ZNF207: variants seen among roughly 807,000 people sequenced by gnomAD.
ZNF207 encodes the protein BUB3-interacting and GLEBS motif-containing protein ZNF207.
ZNF207 carries 24 observed loss-of-function variants against 60.2 expected under a neutral mutation model. The observed-to-expected ratio is 0.40, with a 90% CI of 0.29 to 0.56. The LOEUF is 0.56. Ranked by LOEUF, ZNF207 falls within the 20% of genes least tolerant of loss-of-function variation. The pLI is 0.49. For synonymous variants in ZNF207, 236 were observed against 194.7 expected (o/e 1.21, Z -1.77); for missense variants, 452 against 636.6 (o/e 0.71, Z 3.12).
Position 32,372,261 on chromosome 17 carries a change from C to T in ZNF207, c.*2502C>T, listed in dbSNP as rs992763202. ...CTTGCAGTGAGCGGAGATCACACCA[C>T]TGCACTCTAGCCTGGACGACAGATT... On this transcript the variant is annotated 3_prime_UTR_variant, in exon 12 of 12. Transcript: ENST00000394670. 4.6e-5 allele frequency: 7 copies of T among 152,016 alleles called. No homozygotes were observed. Among genetic ancestry groups the T allele is most frequent in the African/African-American group, 1.5e-4 (6 of 41,344 alleles). The allele number at this position is 152,016 out of a possible 1,614,324, so 9.4% of individuals were successfully genotyped here.
rs1905587643 is a variant in ZNF207, at chr17:32,374,212, C to CTTTTTTGTTTTT, written c.*4459_*4460insGTTTTTTTTTTT. The CTTTTTTGTTTTT allele has an allele frequency of 3.0e-5, 2 of 66,224 alleles. 1 individual carries two copies. 4.1% of individuals were successfully genotyped at this position (66,224 alleles called of 1,614,324 possible). A position where few individuals can be genotyped will look rare whatever the true frequency, so the allele number is the denominator to read the frequency against. ...ACCGCGCCTGGCCAAAATCTGCATTCTTTTTTTTTTTTTTTTTTTTTTTTT... is the reference window on the plus strand; with the variant it reads ...ACCGCGCCTGGCCAAAATCTGCATTCTTTTTTGTTTTTTTTTTTTTTTTTTTTTTTTTTTTTT... On this transcript the variant is annotated 3_prime_UTR_variant, in exon 12 of 12. Transcript: ENST00000394670.
rs2041513419 is a variant in ZNF207 at position 32,351,852 on chromosome 17, A to G, written c.108A>G (p.Lys36=). The G allele has an allele frequency of 2.5e-6, 4 of 1,608,998 alleles. No individual in the cohort carries two copies. The highest frequency in any genetic ancestry group is 2.5e-6 in the Non-Finnish European group (3 of 1,177,244). ...LIQHQKAKHF[K]CHICHKKLYT... is the part of the protein sequence containing the mutation. Reference sequence around the variant, plus strand: ...AGCACCAAAAAGCAAAGCATTTTAAATGCCATATATGTCACAAGAAATTGT... The same window carrying G: ...AGCACCAAAAAGCAAAGCATTTTAAGTGCCATATATGTCACAAGAAATTGT... The change falls in exon 2 of 12, where the codon AAA becomes AAG. Residue 36 remains lysine, a synonymous_variant. Coordinates refer to ENST00000394670, the MANE Select transcript of ZNF207 (RefSeq NM_001098507.2).
rs566685696 is a variant in ZNF207 at position 32,361,911 on chromosome 17, CAAAAATTTA to C, written c.599+405_599+413del. Among the ~76,000 whole-genome samples the C allele has an allele frequency of 1.2e-4, 19 of 152,050 alleles. No individual in the cohort carries two copies. In the South Asian group the frequency reaches 3.9e-3, roughly 32 times the overall value. ...TTAAATCAAGAACTGAATTTACCCA[CAAAAATTTA>C]AAAAATTTGAAAGAAAATTGACCAA... On this transcript the variant is annotated intron_variant, in intron 6 of 11. Coordinates refer to ENST00000394670, the MANE Select transcript of ZNF207 (RefSeq NM_001098507.2).
At position 32,377,282 on chromosome 17, in the gene ZNF207, G is replaced by A. The variant is rs1053127681; in HGVS notation, c.*7523G>A. Reference sequence around the variant, plus strand: ...TAAAATTTTATTCATAAATAGTTTAGCAGTCACAGAGGTGAAAAAAAAAAG... The same window carrying A: ...TAAAATTTTATTCATAAATAGTTTAACAGTCACAGAGGTGAAAAAAAAAAG... On this transcript the variant is annotated 3_prime_UTR_variant, in exon 12 of 12. Transcript: ENST00000394670. 6 of 151,712 alleles carry A rather than the reference G, an allele frequency of 4.0e-5. No individual in the cohort carries two copies. The highest frequency in any genetic ancestry group is 1.2e-4 in the African/African-American group (5 of 41,330). The allele number at this position is 151,712 out of a possible 1,614,324, so 9.4% of individuals were successfully genotyped here. A position where few individuals can be genotyped will look rare whatever the true frequency, so the allele number is the denominator to read the frequency against.
At chr17:32,354,112 A>G (rs544437996) in intron 2 of ZNF207, among the ~76,000 whole-genome samples, 1 of 152,170 alleles carries the variant, frequency 6.6e-6, no homozygotes, top group South Asian at 2.1e-4. Flanking sequence ...AGTACCTGGG[A>G]CAACAATTGT....
At position 32,381,274 on chromosome 17, in the gene ZNF207, T is replaced by A. The variant is rs2150809856; in HGVS notation, c.*11515T>A. On this transcript the variant is annotated 3_prime_UTR_variant, in exon 12 of 12. Coordinates refer to ENST00000394670, the MANE Select transcript of ZNF207 (RefSeq NM_001098507.2). ...GAGTAAGTCATACAAGGGATATGAT[T>A]GTAAGGAGGTCCTGAACAAAGCATG... is the stretch of plus-strand genomic sequence containing the variant. 1 of 152,364 alleles carries A rather than the reference T, an allele frequency of 6.6e-6. No homozygotes were observed. The highest frequency in any genetic ancestry group is 2.1e-4 in the South Asian group (1 of 4,830). The allele number at this position is 152,364 out of a possible 1,614,324, so 9.4% of individuals were successfully genotyped here.
chr17:32,361,369 T>G, intron 5 of ZNF207, 99 bp from the exon 6 acceptor site: 1 of 971,612 alleles, frequency 1.0e-6, no homozygotes, highest in Non-Finnish European at 1.5e-6. Flanking sequence ...CCCATCACTT[T>G]TACTTAAATA....
chr17:32,361,635 A>T, intron 6 of ZNF207, 120 bp downstream of exon 6: 3 of 851,884 alleles, frequency 3.5e-6, no homozygotes, highest in Non-Finnish European at 5.2e-6. Context: ...CCTCACTAAA[A>T]CTTGCAAGCT....
In ZNF207 at chr17:32,361,504, C is replaced by T. The variant is rs146844075; in HGVS notation, c.588C>T (p.Cys196=). 3.1e-6 allele frequency: 5 copies of T among 1,605,344 alleles called. No homozygotes were observed. Among genetic ancestry groups the T allele is most frequent in the East Asian group, 2.2e-5 (1 of 44,534 alleles). Residue 196 remains cysteine, a synonymous_variant, in exon 6 of 12, where the codon TGC becomes TGT. Coordinates refer to ENST00000394670, the MANE Select transcript of ZNF207 (RefSeq NM_001098507.2). ...HHQRKYTQSF[C]GENIMMPMGG... ...AGAGAAAATACACCCAGTCATTTTG[C>T]GGTGAAAACATGTAAGCATCTCATT...
Position 32,373,139 on chromosome 17 carries a change from T to G in ZNF207, c.*3380T>G. ...TTGCCATTAGGTATGAATAAAATAT[T>G]CCTACTGTACTCCTATTCCACTAAG... On this transcript the variant is annotated 3_prime_UTR_variant, in exon 12 of 12. Coordinates refer to ENST00000394670, the MANE Select transcript of ZNF207 (RefSeq NM_001098507.2). 1 of 347,902 alleles carries G rather than the reference T, an allele frequency of 2.9e-6. No individual in the cohort carries two copies. The highest frequency in any genetic ancestry group is 5.2e-6 in the Non-Finnish European group (1 of 193,474). 21.6% of individuals were successfully genotyped at this position (347,902 alleles called of 1,614,324 possible). A position where few individuals can be genotyped will look rare whatever the true frequency, so the allele number is the denominator to read the frequency against.
intron 10 of ZNF207, 77 bp from the exon 11 acceptor site, chr17:32,369,218 G>A: frequency 1.1e-5 from 17 of 1,518,548 alleles, no homozygotes; most frequent in Non-Finnish European, 1.5e-5. Context: ...AACGTTGTAA[G>A]ATTTTAGATG....
At chr17:32,367,282 T>TATATATATAAATAA (rs1445385221) in intron 9 of ZNF207, among the ~76,000 whole-genome samples, 1 of 82,862 alleles carries the variant, frequency 1.2e-5, no homozygotes, top group Non-Finnish European at 2.2e-5. Context: ...TATATATATA[T>TATATATATAAATAA]ATAAAGAATA....
intron 9 of ZNF207, among the ~76,000 whole-genome samples, chr17:32,367,408 CTAAT>C (rs1013544720): frequency 1.3e-4 from 20 of 150,084 alleles, no homozygotes; most frequent in Middle Eastern, 3.5e-3. Context: ...AGATTAATAA[CTAAT>C]TAATAGAACA....
rs1161927549 is a variant in ZNF207, at chr17:32,381,852, A to G, written c.*12093A>G. The G allele has an allele frequency of 6.6e-6, 1 of 152,180 alleles. No individual in the cohort carries two copies. The highest frequency in any genetic ancestry group is 1.5e-5 in the Non-Finnish European group (1 of 68,042). 9.4% of individuals were successfully genotyped at this position (152,180 alleles called of 1,614,324 possible). On this transcript the variant is annotated 3_prime_UTR_variant, in exon 12 of 12. Coordinates refer to ENST00000394670, the MANE Select transcript of ZNF207 (RefSeq NM_001098507.2). Reference sequence around the variant, plus strand: ...ATTAACCTTTGAGTGCTTGTTATCTACAAAGATGAATAAAATCTTTCATTT... The same window carrying G: ...ATTAACCTTTGAGTGCTTGTTATCTGCAAAGATGAATAAAATCTTTCATTT...
chr17:32,366,882 T>C (rs979275199), intron 9 of ZNF207, 125 bp downstream of exon 9: 28 of 794,994 alleles, frequency 3.5e-5, no homozygotes, highest in Non-Finnish European at 5.2e-5. Context: ...GCAAAATTAA[T>C]GCTATATAAG....
rs1905570390 is a variant in ZNF207, at chr17:32,373,921, A to C, written c.*4162A>C. On this transcript the variant is annotated 3_prime_UTR_variant, in exon 12 of 12. Transcript: ENST00000394670. ...ATGTGCCTTCTCTTTTTTGAGACGG[A>C]GTTTCACTCTTATCACCCAGGATGG... 6.6e-6 allele frequency: 1 copy of C among 152,226 alleles called. No individual in the cohort carries two copies. The highest frequency in any genetic ancestry group is 2.1e-4 in the South Asian group (1 of 4,828). The allele number at this position is 152,226 out of a possible 1,614,324, so 9.4% of individuals were successfully genotyped here.
At chr17:32,369,136 A>G (rs975688441) in intron 10 of ZNF207, 159 bp from the exon 11 acceptor site, 1 of 670,892 alleles carries the variant, frequency 1.5e-6, no homozygotes, top group East Asian at 2.8e-5. Context: ...CTAGAGTTTA[A>G]GTAGTTGGAT....
At position 32,354,706 on chromosome 17, in the gene ZNF207, C is replaced by T. The variant is rs561150035; in HGVS notation, c.168+2794C>T. Among the ~76,000 whole-genome samples, 7 of 152,180 alleles carry T rather than the reference C, an allele frequency of 4.6e-5. No homozygotes were observed. The East Asian group carries it at 5.8e-4, about 13-fold the overall frequency. On this transcript the variant is annotated intron_variant, in intron 2 of 11. Transcript: ENST00000394670. ...TCGGCTCACCGCAGCCTCTGCCCTC[C>T]GGGTTCAAGCAATTCTCCTGCCTCA...
chr17:32,360,571 A>G lies in ZNF207; in HGVS notation c.308-27A>G, dbSNP rs116322011. 5,020 of 1,568,426 alleles carry G rather than the reference A, an allele frequency of 3.2e-3. 166 individuals are homozygous for G. The African/African-American group carries it at 0.063, about 20-fold the overall frequency. On this transcript the variant is annotated intron_variant, in intron 3 of 11. Transcript: ENST00000394670. ...AATAAACTTTCTTAGTTTTTACTCT[A>G]TGGAAATAATTTTTTTTTTTTAACA...
Sources: allele counts gnomAD v4.1 joint callset (sites outside exome capture counted in the v4.1 genomes callset), GRCh38; gene constraint gnomAD v4.1.1; transcripts MANE v1.5; gene names NCBI Gene and HGNC (gene_info 2026-07-23, HGNC 2026-07-21).